DLG2: variants seen among roughly 807,000 people sequenced by gnomAD.
DLG2 encodes disks large homolog 2.
A neutral mutation model predicts 132.5 loss-of-function variants in DLG2; 45 were observed. That is an observed-to-expected ratio of 0.34 (90% CI 0.27 to 0.44). The LOEUF is 0.44. DLG2 is among the 20% of genes least tolerant of loss of function. The pLI, the probability that DLG2 is intolerant of heterozygous loss-of-function variation, is 1.00. For missense variants in DLG2, 1,045 were observed against 1,196.9 expected, an observed-to-expected ratio of 0.87 and a Z score of 1.87; for synonymous variants, 424 against 419.6, an observed-to-expected ratio of 1.01 and a Z score of -0.13.
chr11:84,125,684 C>A (rs530092718), intron 9 of DLG2, among the ~76,000 whole-genome samples: 1 of 152,158 alleles, frequency 6.6e-6, no homozygotes, highest in East Asian at 1.9e-4. Context: ...GCCATGCAGG[C>A]AGCAAGGACT....
At chr11:84,752,800 T>C (rs1269479977) in intron 6 of DLG2, among the ~76,000 whole-genome samples, 2 of 140,458 alleles carry the variant, frequency 1.4e-5, no homozygotes, top group Non-Finnish European at 3.0e-5. Flanking sequence ...TTCCCACCTA[T>C]GAGTGAGAAT....
intron 6 of DLG2, among the ~76,000 whole-genome samples, chr11:84,750,819 C>G (rs1329616343): frequency 6.6e-6 from 1 of 152,114 alleles, no homozygotes; most frequent in East Asian, 1.9e-4. Flanking sequence ...AATTTATGAT[C>G]TTACCACCTG....
At chr11:84,385,392 T>A (rs1263500178) in intron 7 of DLG2, among the ~76,000 whole-genome samples, 1 of 152,156 alleles carries the variant, frequency 6.6e-6, no homozygotes, top group Non-Finnish European at 1.5e-5. Flanking sequence ...TTCTAATATG[T>A]AACATACTTC....
chr11:85,035,626 G>A (rs938388262), intron 6 of DLG2, among the ~76,000 whole-genome samples: 3 of 152,132 alleles, frequency 2.0e-5, no homozygotes, highest in Admixed American at 6.5e-5. Flanking sequence ...TTCACAATGA[G>A]ATTTTGATGG....
In DLG2 at chr11:83,471,700, A is replaced by G; in HGVS notation, c.2372T>C (p.Leu791Pro). Residue 791 changes from leucine to proline, a missense_variant, in exon 24 of 28, where the codon CTG becomes CCG. Leu to Pro is a moderately conservative substitution (Grantham distance 98, BLOSUM62 -3). Around this residue, in one of 4 missense-constraint regions of DLG2, gnomAD observed 398 missense variants for 543.6 expected, o/e 0.73. Transcript: ENST00000376104. Reference sequence around the variant, plus strand: ...ATTGATCCGATCCTTCATGGGCCCCAGGATAATCACCGGCCGGGTGTAGTT... The same window carrying G: ...ATTGATCCGATCCTTCATGGGCCCCGGGATAATCACCGGCCGGGTGTAGTT... ...EINYTRPVII[L>P]GPMKDRINDD... 6.2e-7 allele frequency: 1 copy of G among 1,613,172 alleles called. No homozygotes were observed.
At chr11:84,136,460 G>A (rs2094604092) in intron 9 of DLG2, among the ~76,000 whole-genome samples, 1 of 152,100 alleles carries the variant, frequency 6.6e-6, no homozygotes, top group Non-Finnish European at 1.5e-5. Context: ...CTATTTAGGA[G>A]CTGTTATTAC....
At chr11:85,291,108 T>A (rs930134380) in intron 3 of DLG2, among the ~76,000 whole-genome samples, 3 of 152,120 alleles carry the variant, frequency 2.0e-5, no homozygotes, top group African/African-American at 7.2e-5. Context: ...TATTTTTCTC[T>A]TGAAAGGAAG....
chr11:84,064,701 G>C (rs1163556752), intron 10 of DLG2, among the ~76,000 whole-genome samples: 2 of 152,142 alleles, frequency 1.3e-5, no homozygotes, highest in African/African-American at 4.8e-5. Context: ...AGAGACTATA[G>C]TGAGGGAAAA....
intron 6 of DLG2, among the ~76,000 whole-genome samples, chr11:84,737,502 CAGAGAGAG>C (rs34535735): frequency 1.4e-5 from 2 of 147,010 alleles, no homozygotes; most frequent in African/African-American, 5.0e-5. Flanking sequence ...AAGAAAGAGA[CAGAGAGAG>C]AGAGAGAGAG....
chr11:85,251,992 G>A (rs1057475403), intron 4 of DLG2, among the ~76,000 whole-genome samples: 5 of 152,030 alleles, frequency 3.3e-5, no homozygotes, highest in Non-Finnish European at 5.9e-5. Context: ...CCACCTGTGC[G>A]CTTATATAAG....
chr11:83,693,426 A>G (rs1417734055), intron 18 of DLG2, among the ~76,000 whole-genome samples: 2 of 152,184 alleles, frequency 1.3e-5, no homozygotes, highest in African/African-American at 2.4e-5. Flanking sequence ...CCAAATGAAC[A>G]GCAGGCAACA....
intron 4 of DLG2, among the ~76,000 whole-genome samples, chr11:85,232,960 C>T (rs762767569): frequency 6.6e-6 from 1 of 151,886 alleles, no homozygotes; most frequent in Non-Finnish European, 1.5e-5. Context: ...AACAGAAACT[C>T]CAGTTTGAAG....
intron 10 of DLG2, among the ~76,000 whole-genome samples, chr11:84,068,027 T>A (rs1269763730): frequency 6.6e-6 from 1 of 152,182 alleles, no homozygotes; most frequent in Non-Finnish European, 1.5e-5. Context: ...GAATGTGGAA[T>A]TGAAACCATG....
At chr11:85,424,851 A>C (rs1443461826) in intron 3 of DLG2, among the ~76,000 whole-genome samples, 1 of 152,172 alleles carries the variant, frequency 6.6e-6, no homozygotes, top group Non-Finnish European at 1.5e-5. Flanking sequence ...CTCACCAAAC[A>C]CTGGATCTCC....
chr11:85,315,983 T>C (rs1263015258), intron 3 of DLG2, among the ~76,000 whole-genome samples: 7 of 152,046 alleles, frequency 4.6e-5, no homozygotes, highest in Non-Finnish European at 1.0e-4. Flanking sequence ...TGCCCAGCTG[T>C]GTCCCTCCCC....
intron 6 of DLG2, among the ~76,000 whole-genome samples, chr11:84,780,358 A>G (rs1254117567): frequency 6.6e-6 from 1 of 152,098 alleles, no homozygotes; most frequent in Non-Finnish European, 1.5e-5. Flanking sequence ...TTAAAAAACT[A>G]TACATAGAAG....
intron 19 of DLG2, among the ~76,000 whole-genome samples, chr11:83,544,586 C>T (rs2141680175): frequency 6.6e-6 from 1 of 152,082 alleles, no homozygotes; most frequent in East Asian, 1.9e-4. Flanking sequence ...CACCTTGCCC[C>T]CTCATTCATC....
At chr11:84,745,848 C>T (rs1474687171) in intron 6 of DLG2, among the ~76,000 whole-genome samples, 1 of 152,132 alleles carries the variant, frequency 6.6e-6, no homozygotes, top group Non-Finnish European at 1.5e-5. Context: ...ACATGATGAA[C>T]TGCATTTAAT....
intron 3 of DLG2, among the ~76,000 whole-genome samples, chr11:85,347,309 T>C (rs1008624924): frequency 6.6e-6 from 1 of 152,076 alleles, no homozygotes; most frequent in Non-Finnish European, 1.5e-5. Flanking sequence ...TTTTCTAATC[T>C]GGCCAAGAAA....
Sources: gnomAD v4.1 joint callset for allele counts (sites outside exome capture counted in the v4.1 genomes callset) on GRCh38, gnomAD v4.1.1 for gene constraint, gnomAD v4.1.1 regional missense constraint, MANE v1.5 for transcripts, NCBI Gene and HGNC (gene_info 2026-07-23, HGNC 2026-07-21) for gene names.